ALDH9A1: variants seen among roughly 807,000 people sequenced by gnomAD.
ALDH9A1 encodes aldehyde dehydrogenase 9 family member A1, also known as 4-trimethylaminobutyraldehyde dehydrogenase.
In ALDH9A1, 42 loss-of-function variants were observed where a neutral mutation model predicts 56.6. The observed-to-expected ratio is 0.74, with a 90% CI of 0.58 to 0.96. The LOEUF is 0.96. Among genes scored for constraint, ALDH9A1 ranks in the 40% least tolerant of loss-of-function variants. The pLI is 0.00. For synonymous variants in ALDH9A1, 242 were observed against 236.0 expected (o/e 1.03, Z -0.23); for missense variants, 661 against 651.5 (o/e 1.01, Z -0.16).
At chr1:165,684,723 T>C (rs1022350314) in intron 2 of ALDH9A1, among the ~76,000 whole-genome samples, 1 of 152,214 alleles carries the variant, frequency 6.6e-6, no homozygotes, top group African/African-American at 2.4e-5. Context: ...GGAAGAGATA[T>C]TACACTGGCA....
chr1:165,667,531 GGGTCTCACTATGTTGCCCAGTCT>G (rs1346212323), intron 8 of ALDH9A1, 81 bp from the exon 9 acceptor site: 2 of 1,497,342 alleles, frequency 1.3e-6, no homozygotes, highest in Non-Finnish European at 1.8e-6. Context: ...TTTGAAGATC[GGGTCTCACTATGTTGCCCAGTCT>G]GGTCTCAAAC....
rs868042806 is a variant in ALDH9A1 at position 165,663,142 on chromosome 1, A to C, written c.1465T>G (p.Phe489Val). Residue 489 changes from phenylalanine to valine, a missense_variant and splice_region_variant, in exon 11 of 11, where the codon TTT (phenylalanine) becomes GTT (valine). Physicochemically the swap from Phe to Val is conservative, Grantham distance 50. Transcript: ENST00000354775. ...LPFGGYKKSG[F>V]GRENGRVTIE... The stretch of plus-strand genomic sequence containing the variant: ...GTCACACGGCCGTTCTCTCTGCCAA[A>C]TCCTGAAAGGAGGAGAAGGGGTCAG... 1.2e-6 allele frequency: 2 copies of C among 1,613,838 alleles called. No homozygotes were observed. The highest frequency in any genetic ancestry group is 2.7e-5 in the African/African-American group (2 of 75,012).
At chr1:165,685,966 A>C (rs961476904) in intron 2 of ALDH9A1, among the ~76,000 whole-genome samples, 1 of 152,184 alleles carries the variant, frequency 6.6e-6, no homozygotes, top group African/African-American at 2.4e-5. Flanking sequence ...GGGGTCTCCA[A>C]CTGAAAAATG....
intron 4 of ALDH9A1, 99 bp downstream of exon 4, chr1:165,682,006 TAA>T: frequency 6.7e-7 from 1 of 1,483,730 alleles, no homozygotes; most frequent in Non-Finnish European, 9.2e-7. Flanking sequence ...CCTTCCGATT[TAA>T]AGTGTGTGTT....
Position 165,698,358 on chromosome 1 carries a change from C to A in ALDH9A1, c.181+20G>T, listed in dbSNP as rs1253581376. The A allele has an allele frequency of 1.3e-6, 2 of 1,583,112 alleles. No individual in the cohort carries two copies. The highest frequency in any genetic ancestry group is 1.7e-6 in the Non-Finnish European group (2 of 1,167,240). On this transcript the variant is annotated intron_variant, in intron 1 of 10. Transcript: ENST00000354775. ...ATCCGGCCCCAGGGCGCCCCAGCCT[C>A]CCCGGCTCGTTGCAGTTACCGGTTG...
intron 2 of ALDH9A1, among the ~76,000 whole-genome samples, chr1:165,689,710 G>A (rs1236119112): frequency 6.6e-6 from 1 of 152,062 alleles, no homozygotes; most frequent in Non-Finnish European, 1.5e-5. Flanking sequence ...AAGGCAGGCG[G>A]ATCACCTAAG....
chr1:165,691,899 T>G (rs1159084373), intron 2 of ALDH9A1, among the ~76,000 whole-genome samples: 1 of 152,246 alleles, frequency 6.6e-6, no homozygotes, highest in African/African-American at 2.4e-5. Context: ...ATCCCTGGGA[T>G]GCAAGGCTGG....
At chr1:165,691,788 T>C (rs1178623180) in intron 2 of ALDH9A1, among the ~76,000 whole-genome samples, 2 of 152,186 alleles carry the variant, frequency 1.3e-5, no homozygotes, top group African/African-American at 4.8e-5. Context: ...TTTAGACCAA[T>C]ATCCCTGATG....
intron 6 of ALDH9A1, 47 bp from the exon 7 acceptor site, chr1:165,669,497 A>C: frequency 6.8e-7 from 1 of 1,472,186 alleles, no homozygotes; most frequent in Non-Finnish European, 9.1e-7. Context: ...GTAAGGAGAA[A>C]AAAGGGAAAA....
At chr1:165,694,615 A>C (rs1393992612) in intron 2 of ALDH9A1, among the ~76,000 whole-genome samples, 1 of 152,196 alleles carries the variant, frequency 6.6e-6, no homozygotes, top group Non-Finnish European at 1.5e-5. Context: ...AGACTTGAGA[A>C]TCATCAAAAT....
chr1:165,682,853 G>T, intron 3 of ALDH9A1, 128 bp downstream of exon 3: 1 of 1,053,318 alleles, frequency 9.5e-7, no homozygotes, highest in Non-Finnish European at 1.3e-6. Flanking sequence ...AGGCCACCCA[G>T]GTAGAAAGTG....
chr1:165,669,210 TAGG>T, intron 7 of ALDH9A1, 49 bp downstream of exon 7: 2 of 1,494,650 alleles, frequency 1.3e-6, no homozygotes, highest in Non-Finnish European at 9.1e-7. Flanking sequence ...GCATGTGATT[TAGG>T]AGTAGTATAA....
chr1:165,674,138 G>A (rs1175269674), intron 6 of ALDH9A1, among the ~76,000 whole-genome samples: 1 of 151,878 alleles, frequency 6.6e-6, no homozygotes, highest in Non-Finnish European at 1.5e-5. Flanking sequence ...CAAATGCCAT[G>A]GCAACGTCAT....
intron 1 of ALDH9A1, among the ~76,000 whole-genome samples, chr1:165,695,903 G>C (rs1471498989): frequency 6.6e-6 from 1 of 152,022 alleles, no homozygotes; most frequent in African/African-American, 2.4e-5. Context: ...CCAGGCTGGA[G>C]TGCAATGGCA....
intron 6 of ALDH9A1, among the ~76,000 whole-genome samples, chr1:165,678,719 C>G (rs1649447768): frequency 6.6e-6 from 1 of 151,996 alleles, no homozygotes; most frequent in African/African-American, 2.4e-5. Context: ...AGCAAGTGAT[C>G]AAAGTTAAAT....
intron 2 of ALDH9A1, among the ~76,000 whole-genome samples, chr1:165,693,218 A>G (rs2101758185): frequency 6.6e-6 from 1 of 152,358 alleles, no homozygotes; most frequent in South Asian, 2.1e-4. Context: ...GACAAATGGG[A>G]TCTAAGTAAA....
chr1:165,666,732 CAAAGACT>C (rs1649020738), intron 9 of ALDH9A1, among the ~76,000 whole-genome samples: 1 of 152,130 alleles, frequency 6.6e-6, no homozygotes, highest in Non-Finnish European at 1.5e-5. Flanking sequence ...CTTCCACTGC[CAAAGACT>C]AATCAAAGTT....
chr1:165,693,821 C>T (rs1031651775), intron 2 of ALDH9A1, among the ~76,000 whole-genome samples: 5 of 152,092 alleles, frequency 3.3e-5, no homozygotes, highest in African/African-American at 9.7e-5. Context: ...AACCCAAATG[C>T]CCATCAATGA....
chr1:165,664,697 T>G (rs1054828912), intron 10 of ALDH9A1, among the ~76,000 whole-genome samples: 4 of 152,202 alleles, frequency 2.6e-5, no homozygotes, highest in Non-Finnish European at 4.4e-5. Flanking sequence ...AAGGGAGTGA[T>G]TTTATGCTTA....
Sources: gnomAD v4.1 joint callset for allele counts (sites outside exome capture counted in the v4.1 genomes callset) on GRCh38, gnomAD v4.1.1 for gene constraint, MANE v1.5 for transcripts, NCBI Gene and HGNC (gene_info 2026-07-23, HGNC 2026-07-21) for gene names.